The following RHOJ variants were observed in gnomAD, a reference collection of about 807,000 sequenced individuals.
RHOJ encodes the protein ras homolog family member J.
Under a neutral mutation model 23.4 loss-of-function variants are expected in RHOJ, and 11 were observed. That is an observed-to-expected ratio of 0.47 (90% CI 0.30 to 0.78). The LOEUF (loss-of-function observed/expected upper bound fraction) is 0.78. RHOJ is among the 30% of genes least tolerant of loss of function. RHOJ has a pLI of 0.08. For synonymous variants in RHOJ, 102 were observed against 102.7 expected, an observed-to-expected ratio of 0.99 and a Z score of 0.04; for missense variants, 254 against 273.4, an observed-to-expected ratio of 0.93 and a Z score of 0.50.
intron 1 of RHOJ, among the ~76,000 whole-genome samples, chr14:63,253,742 A>T (rs1177871705): frequency 6.6e-6 from 1 of 152,222 alleles, no homozygotes; most frequent in Non-Finnish European, 1.5e-5. Flanking sequence ...AGAGCAGAAG[A>T]TCTGATCCTT....
At position 63,270,439 on chromosome 14, in the gene RHOJ, G is replaced by A. The variant is rs191581639; in HGVS notation, c.237+1271G>A. 1.5e-4 allele frequency among the ~76,000 whole-genome samples: 23 copies of A among 152,308 alleles called. No individual in the cohort carries two copies. In the East Asian group the frequency reaches 3.3e-3, roughly 22 times the overall value. ...TGCCTGTTTTGGTAAGCTACCGCCA[G>A]GAACTGGGAGTGGTAGCAACCTCTC... On this transcript the variant is annotated intron_variant, in intron 2 of 4. Transcript: ENST00000316754.
chr14:63,258,618 G>A (rs547046350), intron 1 of RHOJ, among the ~76,000 whole-genome samples: 10 of 152,186 alleles, frequency 6.6e-5, no homozygotes, highest in Non-Finnish European at 1.3e-4. Context: ...CCAAAGGAGA[G>A]TATGAGGGTA....
At chr14:63,206,835 A>G (rs1032903201) in intron 1 of RHOJ, among the ~76,000 whole-genome samples, 2 of 152,198 alleles carry the variant, frequency 1.3e-5, no homozygotes, top group Admixed American at 6.5e-5. Context: ...TTAGCTCCCA[A>G]GAAATCACAG....
chr14:63,207,609 GACTTTTT>G (rs1044942667), intron 1 of RHOJ, among the ~76,000 whole-genome samples: 2 of 152,148 alleles, frequency 1.3e-5, no homozygotes, highest in African/African-American at 4.8e-5. Context: ...ATCCATTGAA[GACTTTTT>G]ACTAATAACT....
chr14:63,218,414 T>C (rs1894412108), intron 1 of RHOJ, among the ~76,000 whole-genome samples: 1 of 152,208 alleles, frequency 6.6e-6, no homozygotes, highest in Non-Finnish European at 1.5e-5. Context: ...TAATCTTGGC[T>C]CAACAGTTTT....
At chr14:63,250,960 G>C (rs1895060070) in intron 1 of RHOJ, among the ~76,000 whole-genome samples, 1 of 152,166 alleles carries the variant, frequency 6.6e-6, no homozygotes, top group African/African-American at 2.4e-5. Flanking sequence ...GCTTGAACCT[G>C]AGAGGGAGTG....
At chr14:63,230,340 A>G (rs1326804983) in intron 1 of RHOJ, among the ~76,000 whole-genome samples, 2 of 152,178 alleles carry the variant, frequency 1.3e-5, no homozygotes, top group African/African-American at 2.4e-5. Flanking sequence ...CATCAACTCA[A>G]CTGACTTTGG....
chr14:63,245,597 G>A (rs1029201194), intron 1 of RHOJ, among the ~76,000 whole-genome samples: 12 of 152,208 alleles, frequency 7.9e-5, no homozygotes, highest in Admixed American at 2.0e-4. Flanking sequence ...GTTTGAGACC[G>A]CAGTGAGCTA....
rs1373086347 is a variant in RHOJ at position 63,204,720 on chromosome 14, C to A, written c.-150C>A. 3 of 710,442 alleles carry A rather than the reference C, an allele frequency of 4.2e-6. No homozygotes were observed. The highest frequency in any genetic ancestry group is 2.4e-6 in the Non-Finnish European group (1 of 419,996). The allele number at this position is 710,442 out of a possible 1,614,324, so 44.0% of individuals were successfully genotyped here. ...AGCATGGTAAGCAACAGGACATATCCCAGCCTCGGACATGTCTGTATGATC... is the reference window on the plus strand; with the variant it reads ...AGCATGGTAAGCAACAGGACATATCACAGCCTCGGACATGTCTGTATGATC... On this transcript the variant is annotated 5_prime_UTR_variant, in exon 1 of 5. Coordinates refer to ENST00000316754, the MANE Select transcript of RHOJ (RefSeq NM_020663.5).
intron 1 of RHOJ, among the ~76,000 whole-genome samples, chr14:63,217,252 A>C (rs1458314968): frequency 1.1e-4 from 12 of 112,192 alleles, no homozygotes; most frequent in South Asian, 3.8e-4. Flanking sequence ...CCCACCCCAC[A>C]ACAGTCCCCA....
At chr14:63,265,253 TC>T (rs1212015930) in intron 1 of RHOJ, among the ~76,000 whole-genome samples, 1 of 152,260 alleles carries the variant, frequency 6.6e-6, no homozygotes, top group African/African-American at 2.4e-5. Context: ...TAGCCAGCTA[TC>T]CCAGCACCAT....
intron 1 of RHOJ, among the ~76,000 whole-genome samples, chr14:63,233,456 G>C (rs1217771034): frequency 6.6e-6 from 1 of 152,138 alleles, no homozygotes; most frequent in African/African-American, 2.4e-5. Flanking sequence ...CAATGAAAAT[G>C]CTGAAAAAAT....
chr14:63,208,424 C>A (rs1894160527), intron 1 of RHOJ, among the ~76,000 whole-genome samples: 1 of 152,146 alleles, frequency 6.6e-6, no homozygotes, highest in Non-Finnish European at 1.5e-5. Context: ...CTTATTTTCC[C>A]ATCTCTGCTG....
At position 63,204,720 on chromosome 14, in the gene RHOJ, C is replaced by T. The variant is rs1373086347; in HGVS notation, c.-150C>T. On this transcript the variant is annotated 5_prime_UTR_variant, in exon 1 of 5. Coordinates refer to ENST00000316754, the MANE Select transcript of RHOJ (RefSeq NM_020663.5). ...AGCATGGTAAGCAACAGGACATATC[C>T]CAGCCTCGGACATGTCTGTATGATC... The T allele has an allele frequency of 2.8e-6, 2 of 710,442 alleles. No individual in the cohort carries two copies. The highest frequency in any genetic ancestry group is 2.5e-5 in the Admixed American group (1 of 39,900). The allele number at this position is 710,442 out of a possible 1,614,324, so 44.0% of individuals were successfully genotyped here. A position where few individuals can be genotyped will look rare whatever the true frequency, so the allele number is the denominator to read the frequency against.
chr14:63,269,558 T>A (rs112120477), intron 2 of RHOJ, among the ~76,000 whole-genome samples: 29 of 152,250 alleles, frequency 1.9e-4, no homozygotes, highest in Middle Eastern at 3.4e-3. Flanking sequence ...CACGCTTTAT[T>A]TGAATTGCCT....
intron 2 of RHOJ, among the ~76,000 whole-genome samples, chr14:63,278,732 T>C (rs577654806): frequency 3.9e-5 from 6 of 152,232 alleles, no homozygotes; most frequent in Admixed American, 1.3e-4. Context: ...CCTATCATCC[T>C]AGCACTTTGG....
At chr14:63,243,268 G>A (rs1894916247) in intron 1 of RHOJ, among the ~76,000 whole-genome samples, 1 of 152,184 alleles carries the variant, frequency 6.6e-6, no homozygotes, top group Non-Finnish European at 1.5e-5. Context: ...CAGTTGGAGT[G>A]AAGAACCAAA....
At chr14:63,285,835 T>C (rs1441600488) in intron 4 of RHOJ, among the ~76,000 whole-genome samples, 1 of 152,246 alleles carries the variant, frequency 6.6e-6, no homozygotes, top group Non-Finnish European at 1.5e-5. Flanking sequence ...TGTAATTCTT[T>C]GTGCATTCTC....
At chr14:63,270,399 C>T (rs920744789) in intron 2 of RHOJ, among the ~76,000 whole-genome samples, 24 of 152,124 alleles carry the variant, frequency 1.6e-4, no homozygotes, top group Admixed American at 1.4e-3. Context: ...CATCCGGCGT[C>T]CCCTCATTGG....
Sources: allele counts gnomAD v4.1 joint callset (sites outside exome capture counted in the v4.1 genomes callset), GRCh38; gene constraint gnomAD v4.1.1; transcripts MANE v1.5; gene names NCBI Gene and HGNC (gene_info 2026-07-23, HGNC 2026-07-21).